SLC35F1: variants seen among roughly 807,000 people sequenced by gnomAD.
SLC35F1 encodes the protein chromosome 6 open reading frame 169.
In SLC35F1, 14 loss-of-function variants were observed where a neutral mutation model predicts 48.7. The ratio of observed to expected loss-of-function variants is 0.29; its 90% CI spans 0.19 to 0.45. The LOEUF (loss-of-function observed/expected upper bound fraction) is 0.45. SLC35F1 is among the 20% of genes least tolerant of loss of function. The probability of loss-of-function intolerance (pLI) is 1.00; values close to 1 mark genes in which losing one functional copy is unlikely to be tolerated. For synonymous variants in SLC35F1, 190 were observed against 202.2 expected, an observed-to-expected ratio of 0.94 and a Z score of 0.51; for missense variants, 404 against 500.0, an observed-to-expected ratio of 0.81 and a Z score of 1.83.
intron 1 of SLC35F1, among the ~76,000 whole-genome samples, chr6:118,039,249 A>T (rs1391241883): frequency 1.3e-5 from 2 of 152,028 alleles, no homozygotes; most frequent in South Asian, 2.1e-4. Context: ...TATATGTAAC[A>T]TATCATTTTT....
intron 1 of SLC35F1, among the ~76,000 whole-genome samples, chr6:118,001,253 T>C (rs1244436872): frequency 6.6e-6 from 1 of 152,110 alleles, no homozygotes; most frequent in Non-Finnish European, 1.5e-5. Context: ...AAAATAGAGA[T>C]ATAGATCAAT....
intron 2 of SLC35F1, among the ~76,000 whole-genome samples, chr6:118,212,467 A>G (rs1775011834): frequency 6.6e-6 from 1 of 152,108 alleles, no homozygotes; most frequent in African/African-American, 2.4e-5. Flanking sequence ...AGGCAGGAGG[A>G]TCACCTGAGG....
chr6:118,047,472 T>C (rs1490112955), intron 1 of SLC35F1, among the ~76,000 whole-genome samples: 2 of 152,180 alleles, frequency 1.3e-5, no homozygotes, highest in Non-Finnish European at 2.9e-5. Flanking sequence ...TATGAACTTT[T>C]TTTAGTCAGC....
chr6:118,059,488 A>C lies in SLC35F1; in HGVS notation c.174-94957A>C, dbSNP rs374552552. Among the ~76,000 whole-genome samples, 40 of 152,330 alleles carry C rather than the reference A, an allele frequency of 2.6e-4. 1 individual carries two copies. The highest frequency in any genetic ancestry group is 1.7e-3 in the East Asian group (9 of 5,192). ...TGGTTACATTCCAAGGTGCTGTATC[A>C]GTCAGTACAAACCAGGTTATGTTGT... On this transcript the variant is annotated intron_variant, in intron 1 of 7. Transcript: ENST00000360388.
chr6:118,195,203 T>C (rs1774785119), intron 2 of SLC35F1, among the ~76,000 whole-genome samples: 2 of 152,160 alleles, frequency 1.3e-5, no homozygotes, highest in Non-Finnish European at 2.9e-5. Context: ...CCATTACTTA[T>C]CCAAAGTCAG....
intron 7 of SLC35F1, among the ~76,000 whole-genome samples, chr6:118,302,966 A>T (rs1027883261): frequency 1.5e-5 from 2 of 132,812 alleles, no homozygotes; most frequent in Non-Finnish European, 1.6e-5. Context: ...ATCAGGAAAC[A>T]AACAGCTTAT....
chr6:118,282,489 C>A (rs1383750183), intron 6 of SLC35F1, among the ~76,000 whole-genome samples: 1 of 152,148 alleles, frequency 6.6e-6, no homozygotes, highest in African/African-American at 2.4e-5. Flanking sequence ...TAGCAAAGTG[C>A]CATGTATTTA....
At chr6:117,922,044 G>A (rs1250206719) in intron 1 of SLC35F1, among the ~76,000 whole-genome samples, 2 of 152,202 alleles carry the variant, frequency 1.3e-5, no homozygotes, top group African/African-American at 2.4e-5. Context: ...AAGATCCAAG[G>A]ATTCTCTTCC....
intron 1 of SLC35F1, among the ~76,000 whole-genome samples, chr6:118,140,873 ATAGAATAAG>A (rs1378039714): frequency 7.4e-6 from 1 of 134,926 alleles, no homozygotes; most frequent in Non-Finnish European, 1.8e-5. Context: ...AAATAAGCTT[ATAGAATAAG>A]TATATAAAGA....
At chr6:118,060,124 G>T (rs529587875) in intron 1 of SLC35F1, among the ~76,000 whole-genome samples, 2 of 152,250 alleles carry the variant, frequency 1.3e-5, no homozygotes, top group African/African-American at 2.4e-5. Context: ...TTGAGGTTTT[G>T]TATGCTTCCT....
Position 118,002,863 on chromosome 6 carries a change from C to G in SLC35F1, c.173+94964C>G, listed in dbSNP as rs183917406. Among the ~76,000 whole-genome samples, 257 of 151,732 alleles carry G rather than the reference C, an allele frequency of 1.7e-3. 2 individuals are homozygous for G. Among genetic ancestry groups the G allele is most frequent in the African/African-American group, 5.9e-3 (246 of 41,376 alleles). On this transcript the variant is annotated intron_variant, in intron 1 of 7. Transcript: ENST00000360388. ...TATTTTTGAGAATTAAAAAAATTGA[C>G]AATCATTCATAGAACTCCAACCATG... is the stretch of plus-strand genomic sequence containing the variant.
chr6:117,996,326 C>T (rs1026736934), intron 1 of SLC35F1, among the ~76,000 whole-genome samples: 2 of 152,172 alleles, frequency 1.3e-5, no homozygotes, highest in South Asian at 4.1e-4. Flanking sequence ...GAGTGGCAGC[C>T]AAGGTGGCCG....
intron 1 of SLC35F1, among the ~76,000 whole-genome samples, chr6:117,943,530 T>G (rs1178544553): frequency 6.6e-6 from 1 of 152,204 alleles, no homozygotes; most frequent in Non-Finnish European, 1.5e-5. Flanking sequence ...TTGTGAAATT[T>G]TGTGTAAAGT....
At chr6:118,273,582 G>A (rs1207786074) in intron 4 of SLC35F1, among the ~76,000 whole-genome samples, 3 of 152,036 alleles carry the variant, frequency 2.0e-5, no homozygotes. Context: ...TTCTTCAGAG[G>A]AACTACTTAA....
intron 1 of SLC35F1, among the ~76,000 whole-genome samples, chr6:118,029,065 A>G (rs1428121542): frequency 1.3e-5 from 2 of 152,140 alleles, no homozygotes; most frequent in Non-Finnish European, 2.9e-5. Flanking sequence ...TGAAGGATAC[A>G]GAGAAAGAGT....
intron 1 of SLC35F1, among the ~76,000 whole-genome samples, chr6:118,021,026 A>G (rs1777387096): frequency 6.6e-6 from 1 of 152,188 alleles, no homozygotes; most frequent in Admixed American, 6.5e-5. Flanking sequence ...ACATGGGGAC[A>G]TAATTAAAGG....
At chr6:117,938,149 G>C (rs1243605535) in intron 1 of SLC35F1, among the ~76,000 whole-genome samples, 1 of 152,048 alleles carries the variant, frequency 6.6e-6, no homozygotes, top group African/African-American at 2.4e-5. Context: ...TACTATTTTG[G>C]GGGGCTCTGG....
chr6:117,939,729 G>T (rs1308429004), intron 1 of SLC35F1, among the ~76,000 whole-genome samples: 1 of 152,204 alleles, frequency 6.6e-6, no homozygotes, highest in Non-Finnish European at 1.5e-5. Context: ...GTTTTTTAAA[G>T]AAGTGAAAGG....
intron 1 of SLC35F1, among the ~76,000 whole-genome samples, chr6:117,956,750 C>T (rs1776433589): frequency 6.6e-6 from 1 of 152,072 alleles, no homozygotes; most frequent in East Asian, 1.9e-4. Flanking sequence ...TCAGTAAGGC[C>T]CCTGTTGGTA....
Sources: gnomAD v4.1 joint callset for allele counts (sites outside exome capture counted in the v4.1 genomes callset) on GRCh38, gnomAD v4.1.1 for gene constraint, MANE v1.5 for transcripts, NCBI Gene and HGNC (gene_info 2026-07-23, HGNC 2026-07-21) for gene names.